Variants in LOXHD1 observed in about 807,000 individuals in gnomAD.
LOXHD1 encodes the protein lipoxygenase homology domain-containing protein 1.
In LOXHD1, 205 loss-of-function variants were observed where a neutral mutation model predicts 248.2. That is an observed-to-expected ratio of 0.83 (90% CI 0.74 to 0.93). The LOEUF is 0.93. LOXHD1 is among the 40% of genes least tolerant of loss of function. LOXHD1 has a pLI of 0.00. For missense variants in LOXHD1, 2,930 were observed against 2,971.6 expected (o/e 0.99, Z 0.33); for synonymous variants, 1,113 against 1,162.8 (o/e 0.96, Z 0.87).
At chr18:46,652,005 A>G (rs1285095025) in intron 1 of LOXHD1, among the ~76,000 whole-genome samples, 1 of 152,268 alleles carries the variant, frequency 6.6e-6, no homozygotes, top group Non-Finnish European at 1.5e-5. Flanking sequence ...CAACAGGGGC[A>G]TAGATAAACG....
At chr18:46,626,125 C>T (rs905856673) in intron 4 of LOXHD1, among the ~76,000 whole-genome samples, 1 of 152,132 alleles carries the variant, frequency 6.6e-6, no homozygotes, top group Non-Finnish European at 1.5e-5. Flanking sequence ...TAATTGATCA[C>T]CTATAAGGAT....
At chr18:46,516,144 A>G (rs2035237397) in intron 34 of LOXHD1, among the ~76,000 whole-genome samples, 2 of 152,312 alleles carry the variant, frequency 1.3e-5, no homozygotes, top group South Asian at 4.1e-4. Flanking sequence ...TTCTAGAACC[A>G]AGTTCAAATC....
At chr18:46,574,388 T>TACACACAC (rs569144159) in intron 14 of LOXHD1, among the ~76,000 whole-genome samples, 2,873 of 125,286 alleles carry the variant, frequency 0.023, 37 homozygotes, top group African/African-American at 0.026. Flanking sequence ...TGTGTACACA[T>TACACACAC]ACACACACAC....
At position 46,491,188 on chromosome 18, in the gene LOXHD1, CACAA is replaced by C. The variant is rs1481842403; in HGVS notation, c.5879-2050_5879-2047del. Among the ~76,000 whole-genome samples the C allele has an allele frequency of 4.6e-5, 7 of 152,332 alleles. No individual in the cohort carries two copies. The East Asian group carries it at 1.4e-3, about 29-fold the overall frequency. On this transcript the variant is annotated intron_variant, in intron 37 of 40. Coordinates refer to ENST00000642948, the MANE Select transcript of LOXHD1 (RefSeq NM_001384474.1). ...GCATGTGTGTGACAGAAGACACACA[CACAA>C]ACAGATTCTACTATCCAGCTCTTAG...
In LOXHD1 at chr18:46,546,954, T is replaced by A. The variant is rs1291990769; in HGVS notation, c.3455A>T (p.Glu1152Val). 3.2e-6 allele frequency: 5 copies of A among 1,551,576 alleles called. No individual in the cohort carries two copies. The highest frequency in any genetic ancestry group is 2.7e-5 in the African/African-American group (2 of 73,054). ...GTTGTCACCGCCTCCCCTACCCTCCTCGCTCTGTGGCAGCACATAGGACTC... is the reference window on the plus strand; with the variant it reads ...GTTGTCACCGCCTCCCCTACCCTCCACGCTCTGTGGCAGCACATAGGACTC... ...VDESYVLPQS[E>V]EGRGGGDNNP... The change falls in exon 22 of 41, where the codon GAG becomes GTG. Residue 1152 changes from glutamate to valine, a missense_variant. Glu to Val is a moderately radical substitution (Grantham distance 121). Transcript: ENST00000642948.
chr18:46,497,885 G>T (rs574970238), intron 37 of LOXHD1, among the ~76,000 whole-genome samples: 1 of 152,206 alleles, frequency 6.6e-6, no homozygotes, highest in African/African-American at 2.4e-5. Flanking sequence ...CTAAACCACA[G>T]ACAGGCAGAT....
Position 46,545,627 on chromosome 18 carries a change from C to CTTTTTTTTTTTTTTTTTTTTTTT in LOXHD1, c.3515-207_3515-206insAAAAAAAAAAAAAAAAAAAAAAA, listed in dbSNP as rs56323729. Among the ~76,000 whole-genome samples the CTTTTTTTTTTTTTTTTTTTTTTT allele has an allele frequency of 9.8e-5, 9 of 92,244 alleles. 1 individual carries two copies. The highest frequency in any genetic ancestry group is 7.9e-3 in the Middle Eastern group (1 of 126). The allele number at this position is 92,244 out of a possible 152,430, so 60.5% of individuals were successfully genotyped here. ...GTTTCTATGTTCCTCTTGGCCATTT[C>CTTTTTTTTTTTTTTTTTTTTTTT]TTTTTTTTTTTTTTTTTTTTGAGAC... is the stretch of plus-strand genomic sequence containing the variant. On this transcript the variant is annotated intron_variant, in intron 22 of 40. Transcript: ENST00000642948.
Position 46,526,324 on chromosome 18 carries a change from T to C in LOXHD1, c.4531-1407A>G, listed in dbSNP as rs111367926. Among the ~76,000 whole-genome samples the C allele has an allele frequency of 1.0e-3, 153 of 152,314 alleles. 1 individual carries two copies. The highest frequency in any genetic ancestry group is 3.5e-3 in the African/African-American group (144 of 41,552). Reference sequence around the variant, plus strand: ...TTCCTGCAGAAAGTTGTGTGTGCAGTGGCTATAGAGAAGAGTCACCTCCAG... The same window carrying C: ...TTCCTGCAGAAAGTTGTGTGTGCAGCGGCTATAGAGAAGAGTCACCTCCAG... On this transcript the variant is annotated intron_variant, in intron 29 of 40. Transcript: ENST00000642948.
At position 46,546,907 on chromosome 18, in the gene LOXHD1, G is replaced by C. The variant is rs915546093; in HGVS notation, c.3502C>G (p.Leu1168Val). Residue 1168 changes from leucine to valine, a missense_variant, in exon 22 of 41, where the codon CTG becomes GTG. Physicochemically the swap from Leu to Val is conservative, Grantham distance 32. Coordinates refer to ENST00000642948, the MANE Select transcript of LOXHD1 (RefSeq NM_001384474.1). The stretch of plus-strand genomic sequence containing the variant: ...TAGTTTAGAAAACCTTTCTGCTCCA[G>C]GGCCAGGTTGTCGAGGGGGTTGTTG... ...GDNNPLDNLA[L>V]EQKDKSTTFS... 12 of 1,550,790 alleles carry C rather than the reference G, an allele frequency of 7.7e-6. No individual in the cohort carries two copies. Among genetic ancestry groups the C allele is most frequent in the Non-Finnish European group, 1.0e-5 (12 of 1,146,240 alleles).
intron 36 of LOXHD1, among the ~76,000 whole-genome samples, chr18:46,506,413 G>C (rs1157984293): frequency 1.3e-5 from 2 of 152,184 alleles, no homozygotes; most frequent in African/African-American, 4.8e-5. Context: ...GAAGTTCTGT[G>C]TTCCCTAAAT....
intron 10 of LOXHD1, 55 bp downstream of exon 10, chr18:46,593,545 A>T: frequency 2.0e-6 from 3 of 1,535,066 alleles, no homozygotes; most frequent in Non-Finnish European, 2.6e-6. Context: ...CCCAGGACGA[A>T]TGCCCTACAT....
intron 18 of LOXHD1, among the ~76,000 whole-genome samples, chr18:46,562,545 T>C (rs187928472): frequency 6.6e-6 from 1 of 152,164 alleles, no homozygotes; most frequent in African/African-American, 2.4e-5. Context: ...GAAACAGCCA[T>C]AAAATTCCAA....
chr18:46,607,579 GT>G (rs545991792), intron 6 of LOXHD1, among the ~76,000 whole-genome samples: 3 of 150,828 alleles, frequency 2.0e-5, no homozygotes, highest in South Asian at 2.1e-4. Context: ...ATTATGAGTG[GT>G]TTTTTTTGTT....
At chr18:46,497,246 G>C (rs559705170) in intron 37 of LOXHD1, among the ~76,000 whole-genome samples, 2 of 152,260 alleles carry the variant, frequency 1.3e-5, no homozygotes, top group South Asian at 4.2e-4. Context: ...GTGGTGGGGT[G>C]GGGTGTCAAG....
chr18:46,595,501 A>C (rs2038244000), intron 8 of LOXHD1, among the ~76,000 whole-genome samples: 1 of 152,212 alleles, frequency 6.6e-6, no homozygotes, highest in Non-Finnish European at 1.5e-5. Context: ...TGAGGTCTAG[A>C]AAGAAGAATA....
intron 16 of LOXHD1, among the ~76,000 whole-genome samples, chr18:46,568,245 A>G (rs2037682837): frequency 6.6e-6 from 1 of 152,126 alleles, no homozygotes; most frequent in South Asian, 2.1e-4. Flanking sequence ...ACCAAGCCAC[A>G]CCCTGGGAGC....
chr18:46,627,215 C>T (rs1174081568), intron 4 of LOXHD1, among the ~76,000 whole-genome samples: 1 of 152,172 alleles, frequency 6.6e-6, no homozygotes, highest in African/African-American at 2.4e-5. Context: ...TGCCTTGAGC[C>T]AGTCTGAGTG....
intron 4 of LOXHD1, among the ~76,000 whole-genome samples, chr18:46,626,108 G>A (rs1035176396): frequency 5.3e-5 from 8 of 152,176 alleles, no homozygotes; most frequent in African/African-American, 1.9e-4. Flanking sequence ...TAAGGGAGTA[G>A]TTATATTAAT....
At chr18:46,502,471 T>C (rs1037551510) in intron 37 of LOXHD1, among the ~76,000 whole-genome samples, 21 of 152,274 alleles carry the variant, frequency 1.4e-4, no homozygotes, top group African/African-American at 5.1e-4. Flanking sequence ...CTTTTATTGA[T>C]GTGAATTGGG....
Sources: gnomAD v4.1 joint callset for allele counts (sites outside exome capture counted in the v4.1 genomes callset) on GRCh38, gnomAD v4.1.1 for gene constraint, MANE v1.5 for transcripts, NCBI Gene and HGNC (gene_info 2026-07-23, HGNC 2026-07-21) for gene names.